EZH2: variants seen among roughly 807,000 people sequenced by gnomAD.
The protein encoded by EZH2 is enhancer of zeste 2 polycomb repressive complex 2 subunit, also known as histone-lysine N-methyltransferase EZH2.
Under a neutral mutation model 98.4 loss-of-function variants are expected in EZH2, and 18 were observed. That is an observed-to-expected ratio of 0.18 (90% CI 0.13 to 0.27). The LOEUF (loss-of-function observed/expected upper bound fraction) is 0.27. EZH2 is among the 10% of genes least tolerant of loss of function. The pLI is 1.00. For synonymous variants in EZH2, 338 were observed against 312.3 expected (o/e 1.08, Z -0.87); for missense variants, 470 against 935.1 (o/e 0.50, Z 6.49).
chr7:148,873,491 CAAAAAA>C lies in EZH2; in HGVS notation c.-8+10667_-8+10672del, dbSNP rs1162280467. On this transcript the variant is annotated intron_variant, in intron 1 of 19. Coordinates refer to ENST00000320356, the MANE Select transcript of EZH2 (RefSeq NM_004456.5). ...TGGGTGACAGAGTGAGACTCTGTCTCAAAAAAAAAAAAAAAAAAAGAAAGATCATTG... is the reference window on the plus strand; with the variant it reads ...TGGGTGACAGAGTGAGACTCTGTCTCAAAAAAAAAAAAAGAAAGATCATTG... Among the ~76,000 whole-genome samples, 38 of 58,530 alleles carry C rather than the reference CAAAAAA, an allele frequency of 6.5e-4. 1 individual carries two copies. The highest frequency in any genetic ancestry group is 2.2e-3 in the African/African-American group (36 of 16,098). 38.4% of individuals were successfully genotyped at this position (58,530 alleles called of 152,430 possible).
At chr7:148,814,342 T>C (rs1246455608) in intron 14 of EZH2, among the ~76,000 whole-genome samples, 1 of 152,136 alleles carries the variant, frequency 6.6e-6, no homozygotes, top group Admixed American at 6.5e-5. Flanking sequence ...CTGAGTTGTT[T>C]TTCCATTTTT....
At chr7:148,873,632 T>C (rs1468203594) in intron 1 of EZH2, among the ~76,000 whole-genome samples, 1 of 142,808 alleles carries the variant, frequency 7.0e-6, no homozygotes, top group African/African-American at 2.6e-5. Flanking sequence ...CTACCAAGGA[T>C]ATACTTTAAA....
chr7:148,873,914 C>G (rs1187637904), intron 1 of EZH2, among the ~76,000 whole-genome samples: 1 of 151,978 alleles, frequency 6.6e-6, no homozygotes, highest in Non-Finnish European at 1.5e-5. Context: ...AGGAAAGAAG[C>G]TGCTTAACTT....
intron 1 of EZH2, among the ~76,000 whole-genome samples, chr7:148,880,795 A>C (rs891854542): frequency 3.9e-5 from 6 of 152,214 alleles, no homozygotes; most frequent in Non-Finnish European, 7.3e-5. Flanking sequence ...TAAAACCCCT[A>C]TTCTCTAGCA....
intron 6 of EZH2, among the ~76,000 whole-genome samples, chr7:148,828,305 A>T (rs1484496674): frequency 1.3e-5 from 2 of 152,100 alleles, no homozygotes; most frequent in Non-Finnish European, 2.9e-5. Flanking sequence ...AAACAAAGAT[A>T]CTCAAGTGAA....
chr7:148,826,810 A>C (rs568743228), intron 7 of EZH2, among the ~76,000 whole-genome samples, 178 bp from the exon 8 acceptor site: 3 of 152,250 alleles, frequency 2.0e-5, no homozygotes, highest in Non-Finnish European at 2.9e-5. Context: ...TCAAGAATCA[A>C]ATTCATCGAT....
intron 1 of EZH2, among the ~76,000 whole-genome samples, chr7:148,870,695 CAAA>C (rs769953626): frequency 7.5e-5 from 7 of 93,316 alleles, no homozygotes; most frequent in Admixed American, 2.4e-4. Context: ...GACTCTGTCT[CAAA>C]AAAAAAAAAA....
At chr7:148,867,902 A>G (rs1404254411) in intron 1 of EZH2, among the ~76,000 whole-genome samples, 1 of 152,240 alleles carries the variant, frequency 6.6e-6, no homozygotes, top group African/African-American at 2.4e-5. Context: ...ACAGATCCCT[A>G]GAGCAGGAGC....
rs747539040 is a variant in EZH2, at chr7:148,817,330, A to G, written c.1302T>C (p.Asn434=). ...KMKPNIEPPE[N]VEWSGAEASM... ...AGGCTTCAGCACCACTCCACTCCAC[A>G]TTCTCAGGAGGTTCAATATTTGGCT... The change falls in exon 11 of 20, where the codon AAT becomes AAC. Residue 434 remains asparagine, a synonymous_variant. Coordinates refer to ENST00000320356, the MANE Select transcript of EZH2 (RefSeq NM_004456.5). The G allele has an allele frequency of 4.0e-5, 64 of 1,614,038 alleles. No homozygotes were observed. Among genetic ancestry groups the G allele is most frequent in the Non-Finnish European group, 5.3e-5 (62 of 1,180,004 alleles).
In EZH2 at chr7:148,883,030, T is replaced by TTC. The variant is rs543045962; in HGVS notation, c.-8+1132_-8+1133dup. On this transcript the variant is annotated intron_variant, in intron 1 of 19. Transcript: ENST00000320356. ...TAGCCATTCTATTTTGATCACCTAC[T>TTC]TCTACCACCTCATCCTCATTCAACC... 1.1e-4 allele frequency among the ~76,000 whole-genome samples: 17 copies of TTC among 152,372 alleles called. No individual in the cohort carries two copies. In the East Asian group the frequency reaches 3.3e-3, roughly 29 times the overall value.
chr7:148,832,438 A>G (rs1809648086), intron 4 of EZH2, among the ~76,000 whole-genome samples, 196 bp downstream of exon 4: 1 of 152,144 alleles, frequency 6.6e-6, no homozygotes, highest in Non-Finnish European at 1.5e-5. Flanking sequence ...TCCTTTGGAG[A>G]GTATAGGAAA....
At chr7:148,817,110 G>T (rs1804764267) in intron 11 of EZH2, 112 bp downstream of exon 11, 2 of 965,420 alleles carry the variant, frequency 2.1e-6, no homozygotes, top group Non-Finnish European at 2.9e-6. Flanking sequence ...TTATTTTTAG[G>T]AGATGAATAG....
intron 1 of EZH2, among the ~76,000 whole-genome samples, chr7:148,862,696 A>G (rs1817864053): frequency 6.6e-6 from 1 of 152,234 alleles, no homozygotes; most frequent in African/African-American, 2.4e-5. Context: ...CAGCAGAAGC[A>G]CTTTACACAC....
At chr7:148,810,437 A>T in intron 16 of EZH2, 23 bp from the exon 17 acceptor site, 1 of 1,562,210 alleles carries the variant, frequency 6.4e-7, no homozygotes, top group Non-Finnish European at 8.8e-7. Context: ...ACACAGGAGA[A>T]AATTCTTTTG....
intron 1 of EZH2, among the ~76,000 whole-genome samples, chr7:148,879,581 C>G (rs1021438364): frequency 6.6e-6 from 1 of 151,802 alleles, no homozygotes; most frequent in African/African-American, 2.4e-5. Flanking sequence ...ATCCCAACTA[C>G]TTGAGAGGTG....
intron 3 of EZH2, among the ~76,000 whole-genome samples, chr7:148,839,587 T>G (rs1484031992): frequency 6.6e-6 from 1 of 152,080 alleles, no homozygotes; most frequent in African/African-American, 2.4e-5. Context: ...TGTTTTTTGT[T>G]TTTTTGAGAT....
chr7:148,862,931 A>T (rs59357363), intron 1 of EZH2, among the ~76,000 whole-genome samples: 4,774 of 138,292 alleles, frequency 0.035, 229 homozygotes, highest in African/African-American at 0.12. Flanking sequence ...TTGTTTTTTT[A>T]AAAAAAAGCA....
chr7:148,833,350 G>A (rs1809929392), intron 3 of EZH2, among the ~76,000 whole-genome samples: 1 of 151,592 alleles, frequency 6.6e-6, no homozygotes, highest in Non-Finnish European at 1.5e-5. Flanking sequence ...CCAGCTACAC[G>A]GGAGGCTGAG....
intron 1 of EZH2, among the ~76,000 whole-genome samples, chr7:148,874,484 G>C (rs1203939861): frequency 6.6e-6 from 1 of 152,128 alleles, no homozygotes; most frequent in Non-Finnish European, 1.5e-5. Context: ...GCTACCTTCA[G>C]GAATTTCTTA....
Sources: gnomAD v4.1 joint callset for allele counts (sites outside exome capture counted in the v4.1 genomes callset) on GRCh38, gnomAD v4.1.1 for gene constraint, MANE v1.5 for transcripts, NCBI Gene and HGNC (gene_info 2026-07-23, HGNC 2026-07-21) for gene names.